Variants in SBF2 observed in about 807,000 individuals in gnomAD.
The protein encoded by SBF2 is SET binding factor 2.
A neutral mutation model predicts 225.2 loss-of-function variants in SBF2; 112 were observed. The observed-to-expected ratio is 0.50, with a 90% CI of 0.43 to 0.58. The LOEUF (loss-of-function observed/expected upper bound fraction) is 0.58. Ranked by LOEUF, SBF2 falls within the 20% of genes least tolerant of loss-of-function variation. The pLI is 0.00. For synonymous variants in SBF2, 763 were observed against 773.3 expected (o/e 0.99, Z 0.22); for missense variants, 1,996 against 2,206.2 (o/e 0.90, Z 1.91).
chr11:9,931,448 G>C (rs1489441197), intron 16 of SBF2, among the ~76,000 whole-genome samples: 2 of 152,238 alleles, frequency 1.3e-5, no homozygotes, highest in African/African-American at 2.4e-5. Context: ...TGCAATATTT[G>C]CTGTTCTGCA....
At chr11:9,815,040 A>G (rs1207835365) in intron 29 of SBF2, among the ~76,000 whole-genome samples, 1 of 152,254 alleles carries the variant, frequency 6.6e-6, no homozygotes, top group Non-Finnish European at 1.5e-5. Context: ...AGACAGATAC[A>G]GAGCCATATT....
intron 17 of SBF2, among the ~76,000 whole-genome samples, chr11:9,860,978 G>C (rs1436573633): frequency 6.6e-6 from 1 of 152,176 alleles, no homozygotes; most frequent in Non-Finnish European, 1.5e-5. Context: ...CACACTGATG[G>C]TGTATATTTG....
At chr11:10,061,123 G>T (rs1950429447) in intron 2 of SBF2, among the ~76,000 whole-genome samples, 1 of 152,116 alleles carries the variant, frequency 6.6e-6, no homozygotes, top group African/African-American at 2.4e-5. Context: ...ATCACTAGAT[G>T]CAGAAAGGGC....
intron 1 of SBF2, 96 bp from the exon 2 acceptor site, chr11:10,194,083 ATAAGT>A (rs1159047903): frequency 2.3e-6 from 2 of 868,998 alleles, no homozygotes; most frequent in Non-Finnish European, 3.8e-6. Flanking sequence ...TATTTGGTAA[ATAAGT>A]TAATAAACTG....
At chr11:10,158,639 A>C (rs905171782) in intron 2 of SBF2, among the ~76,000 whole-genome samples, 1 of 152,238 alleles carries the variant, frequency 6.6e-6, no homozygotes, top group African/African-American at 2.4e-5. Flanking sequence ...AGGAAATCTG[A>C]GTAGATGAAT....
intron 1 of SBF2, among the ~76,000 whole-genome samples, chr11:10,213,045 C>T (rs117362045): frequency 0.03 from 4,286 of 141,178 alleles, 98 homozygotes; most frequent in Non-Finnish European, 0.048. Flanking sequence ...AAGACTCTGT[C>T]TCAAAAAAAA....
At chr11:10,284,916 C>G (rs987695543) in intron 1 of SBF2, among the ~76,000 whole-genome samples, 2 of 124,038 alleles carry the variant, frequency 1.6e-5, no homozygotes, top group Non-Finnish European at 3.6e-5. Context: ...ACCCAGCTGA[C>G]AAGAGTTTTT....
intron 27 of SBF2, among the ~76,000 whole-genome samples, chr11:9,829,975 T>C (rs1855289579): frequency 6.6e-6 from 1 of 152,252 alleles, no homozygotes; most frequent in African/African-American, 2.4e-5. Flanking sequence ...TTTATTTCAA[T>C]TCTGCCACAC....
chr11:9,852,455 T>C (rs1857026822), intron 21 of SBF2, among the ~76,000 whole-genome samples: 1 of 152,206 alleles, frequency 6.6e-6, no homozygotes, highest in Non-Finnish European at 1.5e-5. Flanking sequence ...GAGAGGTTAT[T>C]ATTGCTCCTT....
chr11:10,064,056 T>C (rs1950550165), intron 2 of SBF2, among the ~76,000 whole-genome samples: 1 of 152,138 alleles, frequency 6.6e-6, no homozygotes, highest in African/African-American at 2.4e-5. Flanking sequence ...AGTAACTACA[T>C]GGGTAAATGC....
intron 6 of SBF2, among the ~76,000 whole-genome samples, chr11:10,024,482 G>A (rs1012709907): frequency 1.1e-4 from 16 of 152,012 alleles, no homozygotes; most frequent in Non-Finnish European, 2.2e-4. Flanking sequence ...CCCACTTCTC[G>A]CCAAGGTTGA....
chr11:10,289,762 T>G (rs571044119), intron 1 of SBF2, among the ~76,000 whole-genome samples: 1 of 152,148 alleles, frequency 6.6e-6, no homozygotes, highest in Non-Finnish European at 1.5e-5. Context: ...AAGCAGGCAC[T>G]GCTCCCACTT....
chr11:10,070,496 T>G (rs191475519), intron 2 of SBF2, among the ~76,000 whole-genome samples: 1 of 152,154 alleles, frequency 6.6e-6, no homozygotes, highest in Admixed American at 6.6e-5. Context: ...TCTGAAGGCT[T>G]TGTTCTGTTC....
intron 1 of SBF2, among the ~76,000 whole-genome samples, chr11:10,239,431 A>C (rs1959178696): frequency 6.6e-6 from 1 of 150,824 alleles, no homozygotes; most frequent in Non-Finnish European, 1.5e-5. Context: ...ATGTTAAACA[A>C]AATGATTAAA....
At chr11:10,296,711 G>C (rs1270502188), upstream of SBF2, among the ~76,000 whole-genome samples, 1 of 152,126 alleles carries the variant, frequency 6.6e-6, no homozygotes. Flanking sequence ...ACATGTATTT[G>C]AGTACCTGTT....
chr11:9,967,971 C>CTCTCTCTCTCTATATA (rs1260685462), intron 14 of SBF2, among the ~76,000 whole-genome samples: 8 of 91,508 alleles, frequency 8.7e-5, no homozygotes, highest in African/African-American at 2.3e-4. Flanking sequence ...CTCTCTCTCT[C>CTCTCTCTCTCTATATA]TATATATATA....
intron 32 of SBF2, among the ~76,000 whole-genome samples, chr11:9,796,986 A>G (rs1853165487): frequency 6.6e-6 from 1 of 152,194 alleles, no homozygotes; most frequent in South Asian, 2.1e-4. Flanking sequence ...CTGCCTCGCA[A>G]TCTCACCTCT....
At chr11:9,899,665 G>C (rs1428676002) in intron 16 of SBF2, among the ~76,000 whole-genome samples, 1 of 152,130 alleles carries the variant, frequency 6.6e-6, no homozygotes, top group Non-Finnish European at 1.5e-5. Context: ...CAATGGAGGA[G>C]AGAGAGGAAA....
intron 6 of SBF2, among the ~76,000 whole-genome samples, chr11:10,007,252 C>T (rs72857188): frequency 0.052 from 7,952 of 152,150 alleles, 297 homozygotes; most frequent in Middle Eastern, 0.16. Context: ...GAAGAGAAGA[C>T]GCTTTCTTTT....
Sources: allele counts gnomAD v4.1 joint callset (sites outside exome capture counted in the v4.1 genomes callset), GRCh38; gene constraint gnomAD v4.1.1; transcripts MANE v1.5; gene names NCBI Gene and HGNC (gene_info 2026-07-23, HGNC 2026-07-21).